The following IL1R1 variants were observed in gnomAD, a reference collection of about 807,000 sequenced individuals.
IL1R1 encodes the protein interleukin-1 receptor type 1.
Under a neutral mutation model 50.2 loss-of-function variants are expected in IL1R1, and 22 were observed. That is an observed-to-expected ratio of 0.44 (90% CI 0.31 to 0.63). The LOEUF is 0.63. Among genes scored for constraint, IL1R1 ranks in the 20% least tolerant of loss-of-function variants. IL1R1 has a pLI of 0.07. For missense variants in IL1R1, 509 were observed against 676.2 expected (o/e 0.75, Z 2.74); for synonymous variants, 251 against 236.7 (o/e 1.06, Z -0.55).
At chr2:102,094,849 A>G (rs770803673) in intron 1 of IL1R1, among the ~76,000 whole-genome samples, 4 of 152,154 alleles carry the variant, frequency 2.6e-5, no homozygotes, top group Admixed American at 6.5e-5. Context: ...ATATATGTGC[A>G]TATATGTATG....
chr2:102,157,866 G>C (rs1684337603), intron 3 of IL1R1, 81 bp downstream of exon 3: 1 of 908,596 alleles, frequency 1.1e-6, no homozygotes, highest in South Asian at 1.4e-5. Context: ...CCCTAACAGA[G>C]TCATTTCTCA....
chr2:102,178,641 C>G lies in IL1R1; in HGVS notation c.*1882C>G, dbSNP rs898697329. ...AAATGACATTTTGCTAGGAAGTGACCGAGTCTAGGAATGCTTTTATTCAAG... is the reference window on the plus strand; with the variant it reads ...AAATGACATTTTGCTAGGAAGTGACGGAGTCTAGGAATGCTTTTATTCAAG... On this transcript the variant is annotated 3_prime_UTR_variant, in exon 12 of 12. Transcript: ENST00000410023. 4 of 152,104 alleles carry G rather than the reference C, an allele frequency of 2.6e-5. No homozygotes were observed. The highest frequency in any genetic ancestry group is 7.3e-5 in the African/African-American group (3 of 41,352). The allele number at this position is 152,104 out of a possible 1,614,324, so 9.4% of individuals were successfully genotyped here.
At chr2:102,172,430 T>C in intron 8 of IL1R1, 2 of 985,178 alleles carry the variant, frequency 2.0e-6, no homozygotes, top group Non-Finnish European at 2.4e-6. Context: ...CACAATGCAT[T>C]TGTCTACATT....
At chr2:102,129,650 G>A (rs1219577586) in intron 1 of IL1R1, among the ~76,000 whole-genome samples, 1 of 152,204 alleles carries the variant, frequency 6.6e-6, no homozygotes, top group Admixed American at 6.5e-5. Flanking sequence ...TGAAATCGGG[G>A]TCAGGGGTGA....
chr2:102,126,670 A>G (rs988226797), intron 1 of IL1R1, among the ~76,000 whole-genome samples: 2 of 151,894 alleles, frequency 1.3e-5, no homozygotes, highest in South Asian at 4.2e-4. Context: ...AGTAGCCCCA[A>G]CTTCTGCCTG....
At position 102,137,249 on chromosome 2, in the gene IL1R1, A is replaced by G. The variant is rs72996594; in HGVS notation, c.-83-16692A>G. Among the ~76,000 whole-genome samples, 1,132 of 152,316 alleles carry G rather than the reference A, an allele frequency of 7.4e-3. 15 individuals carry two copies. The highest frequency in any genetic ancestry group is 0.025 in the African/African-American group (1,049 of 41,570). On this transcript the variant is annotated intron_variant, in intron 1 of 10. Transcript: ENST00000409329. Reference sequence around the variant, plus strand: ...AGAACTGTGACACATTCCTGAGTACAGTCATTGTTTTGATGATCTATTATT... The same window carrying G: ...AGAACTGTGACACATTCCTGAGTACGGTCATTGTTTTGATGATCTATTATT...
In IL1R1 at chr2:102,152,504, C is replaced by CAAAAAAAAAA. The variant is rs70946674; in HGVS notation, c.-83-1409_-83-1400dup. ...TGGGGGACAGAGCAAGACTCCGTCT[C>CAAAAAAAAAA]AAAAAAAAAAAAAAAAAAAAAAAAA... On this transcript the variant is annotated intron_variant, in intron 1 of 11. Transcript: ENST00000410023. 5.4e-4 allele frequency among the ~76,000 whole-genome samples: 16 copies of CAAAAAAAAAA among 29,686 alleles called. 2 individuals carry two copies. Among genetic ancestry groups the CAAAAAAAAAA allele is most frequent in the Non-Finnish European group, 7.4e-4 (13 of 17,656 alleles). The allele number at this position is 29,686 out of a possible 152,430, so 19.5% of individuals were successfully genotyped here. A position where few individuals can be genotyped will look rare whatever the true frequency, so the allele number is the denominator to read the frequency against.
At chr2:102,131,661 A>G (rs530718814) in intron 1 of IL1R1, among the ~76,000 whole-genome samples, 1 of 152,084 alleles carries the variant, frequency 6.6e-6, no homozygotes, top group East Asian at 1.9e-4. Flanking sequence ...AAAAAACCAC[A>G]GAGGAGGAAA....
upstream of IL1R1, among the ~76,000 whole-genome samples, chr2:102,140,185 C>T (rs1379868440): frequency 6.6e-6 from 1 of 152,154 alleles, no homozygotes; most frequent in Non-Finnish European, 1.5e-5. Context: ...GGAAAAAAAA[C>T]ATAAAATACT....
chr2:102,073,254 A>G (rs1678815052), intron 1 of IL1R1, among the ~76,000 whole-genome samples: 1 of 152,198 alleles, frequency 6.6e-6, no homozygotes, highest in African/African-American at 2.4e-5. Flanking sequence ...CAATACGGTG[A>G]ACATCATAGA....
intron 1 of IL1R1, among the ~76,000 whole-genome samples, chr2:102,117,063 G>C (rs1402688214): frequency 1.3e-5 from 2 of 152,078 alleles, no homozygotes; most frequent in African/African-American, 2.4e-5. Context: ...ATAAAATATT[G>C]ACGTCTTGGT....
intron 5 of IL1R1, among the ~76,000 whole-genome samples, chr2:102,165,720 T>C (rs1685125676): frequency 6.6e-6 from 1 of 152,202 alleles, no homozygotes; most frequent in African/African-American, 2.4e-5. Context: ...ACCCCATGTT[T>C]TGGTAACTTT....
Position 102,136,644 on chromosome 2 carries a change from G to T in IL1R1, c.-83-17297G>T, listed in dbSNP as rs187344240. Among the ~76,000 whole-genome samples, 270 of 152,222 alleles carry T rather than the reference G, an allele frequency of 1.8e-3. 1 individual carries two copies. The highest frequency in any genetic ancestry group is 6.4e-3 in the African/African-American group (265 of 41,528). On this transcript the variant is annotated intron_variant, in intron 1 of 10. Transcript: ENST00000409329. ...ACCCTCCTCGGCCTCCCAAAGTGCT[G>T]GGATTACAGGTGTGAGCCACCGTGC... is the stretch of plus-strand genomic sequence containing the variant.
upstream of IL1R1, among the ~76,000 whole-genome samples, chr2:102,141,402 A>G (rs34757365): frequency 0.15 from 23,396 of 152,144 alleles, 1,967 homozygotes; most frequent in South Asian, 0.2. Flanking sequence ...AGGAATATTG[A>G]GAGCTGGGAT....
In IL1R1 at chr2:102,167,637, A is replaced by T. The variant is rs3917295; in HGVS notation, c.656-961A>T. Among the ~76,000 whole-genome samples the T allele has an allele frequency of 6.7e-3, 1,012 of 151,572 alleles. 16 individuals are homozygous for T. Among genetic ancestry groups the T allele is most frequent in the African/African-American group, 0.023 (953 of 41,272 alleles). On this transcript the variant is annotated intron_variant, in intron 6 of 11. Coordinates refer to ENST00000410023, the MANE Select transcript of IL1R1 (RefSeq NM_000877.4). ...TAATTTTTTTGTATTTTTAGTAGAG[A>T]TGGGGTTTCACCGTGTTAGCCAGGA... is the stretch of plus-strand genomic sequence containing the variant.
intron 1 of IL1R1, among the ~76,000 whole-genome samples, chr2:102,077,916 G>A (rs552843702): frequency 5.3e-5 from 8 of 152,104 alleles, no homozygotes; most frequent in African/African-American, 1.9e-4. Flanking sequence ...AATAAAAGAA[G>A]AAAATTTAGG....
intron 1 of IL1R1, among the ~76,000 whole-genome samples, chr2:102,125,532 GGATA>G (rs1439175071): frequency 1.3e-5 from 2 of 152,152 alleles, no homozygotes; most frequent in African/African-American, 2.4e-5. Flanking sequence ...GTAGCAGTCA[GGATA>G]GATAGGCAAG....
chr2:102,127,115 T>A (rs1681755992), intron 1 of IL1R1, among the ~76,000 whole-genome samples: 1 of 152,236 alleles, frequency 6.6e-6, no homozygotes, highest in African/African-American at 2.4e-5. Flanking sequence ...AGTGTCATGT[T>A]CAGGCCCCCG....
At chr2:102,101,411 C>T (rs950714911), upstream of IL1R1, among the ~76,000 whole-genome samples, 1 of 152,194 alleles carries the variant, frequency 6.6e-6, no homozygotes, top group Non-Finnish European at 1.5e-5. Context: ...AAGCAGAAGT[C>T]TCCTGCCCTC....
Sources: allele counts gnomAD v4.1 joint callset (sites outside exome capture counted in the v4.1 genomes callset), GRCh38; gene constraint gnomAD v4.1.1; transcripts MANE v1.5; gene names NCBI Gene and HGNC (gene_info 2026-07-23, HGNC 2026-07-21).